The following BLVRA variants were observed in gnomAD, a reference collection of about 807,000 sequenced individuals.
BLVRA encodes biliverdin reductase A, also known as BVR A.
Under a neutral mutation model 32.8 loss-of-function variants are expected in BLVRA, and 22 were observed. That is an observed-to-expected ratio of 0.67 (90% confidence interval 0.48 to 0.96). BLVRA has a LOEUF of 0.96. Ranked by LOEUF, BLVRA falls within the 40% of genes least tolerant of loss-of-function variation. The pLI is 0.00. For synonymous variants in BLVRA, 119 were observed against 141.3 expected, an observed-to-expected ratio of 0.84 and a Z score of 1.12; for missense variants, 323 against 358.1, an observed-to-expected ratio of 0.90 and a Z score of 0.79.
intron 2 of BLVRA, among the ~76,000 whole-genome samples, chr7:43,780,752 C>T (rs1164939842): frequency 1.3e-5 from 2 of 152,244 alleles, no homozygotes; most frequent in Non-Finnish European, 2.9e-5. Context: ...TCCCCATTCT[C>T]ACCCTGCCAA....
intron 1 of BLVRA, among the ~76,000 whole-genome samples, chr7:43,762,629 T>TTA (rs2095743642): frequency 6.8e-6 from 1 of 146,968 alleles, no homozygotes; most frequent in African/African-American, 2.5e-5. Flanking sequence ...TTTTTTTTTT[T>TTA]AAGATGGAGT....
At chr7:43,764,979 C>T (rs540428531) in intron 1 of BLVRA, among the ~76,000 whole-genome samples, 2 of 152,242 alleles carry the variant, frequency 1.3e-5, no homozygotes, top group South Asian at 4.2e-4. Context: ...CAGGCTGGCT[C>T]TTCATCCCTC....
chr7:43,783,516 A>G (rs1241028615), intron 2 of BLVRA, among the ~76,000 whole-genome samples: 1 of 152,186 alleles, frequency 6.6e-6, no homozygotes, highest in Non-Finnish European at 1.5e-5. Context: ...GTAATACTCT[A>G]TATCACGAGT....
intron 2 of BLVRA, among the ~76,000 whole-genome samples, chr7:43,779,368 C>G (rs1210474184): frequency 2.0e-5 from 3 of 152,350 alleles, no homozygotes; most frequent in South Asian, 4.1e-4. Context: ...TTTCTCTTCC[C>G]TGGGTCATTC....
chr7:43,766,310 T>C (rs1333902637), intron 1 of BLVRA, among the ~76,000 whole-genome samples: 1 of 145,644 alleles, frequency 6.9e-6, no homozygotes, highest in Admixed American at 7.0e-5. Context: ...AAAAAAAAAG[T>C]TAAAAATCTA....
chr7:43,795,839 C>T (rs1432541333), intron 5 of BLVRA, among the ~76,000 whole-genome samples: 2 of 151,696 alleles, frequency 1.3e-5, no homozygotes, highest in Non-Finnish European at 2.9e-5. Context: ...GGTGCAGTGG[C>T]TCACGCCTGT....
chr7:43,793,116 T>TAA (rs1435223346), intron 5 of BLVRA, among the ~76,000 whole-genome samples: 1 of 152,254 alleles, frequency 6.6e-6, no homozygotes, highest in Non-Finnish European at 1.5e-5. Flanking sequence ...ATGTGATACT[T>TAA]ATATTGCTAA....
intron 1 of BLVRA, among the ~76,000 whole-genome samples, chr7:43,761,591 C>A (rs1225824631): frequency 6.6e-6 from 1 of 152,102 alleles, no homozygotes; most frequent in Non-Finnish European, 1.5e-5. Flanking sequence ...ATTGATCCCC[C>A]AAATGTTAAT....
chr7:43,784,598 C>CTT (rs5883874), intron 2 of BLVRA, among the ~76,000 whole-genome samples: 147 of 85,252 alleles, frequency 1.7e-3, no homozygotes, highest in East Asian at 3.3e-3. Flanking sequence ...TCACTCATAT[C>CTT]TTTTTTTTTT....
At chr7:43,771,087 A>T (rs775988186) in intron 1 of BLVRA, 51 bp from the exon 2 acceptor site, 1 of 1,532,190 alleles carries the variant, frequency 6.5e-7, no homozygotes, top group Non-Finnish European at 9.0e-7. Context: ...GTTTGCCTGG[A>T]GTTTGGGCAG....
At chr7:43,762,583 G>T (rs2095743515) in intron 1 of BLVRA, among the ~76,000 whole-genome samples, 1 of 143,082 alleles carries the variant, frequency 7.0e-6, no homozygotes, top group East Asian at 2.1e-4. Context: ...ATAATTTAGT[G>T]ATTTCCATGA....
At chr7:43,803,527 C>T (rs113975947) in intron 6 of BLVRA, 149 bp from the exon 7 acceptor site, 5 of 831,894 alleles carry the variant, frequency 6.0e-6, no homozygotes, top group African/African-American at 5.0e-5. Flanking sequence ...TCATTAATCA[C>T]GTTGCCTGCC....
intron 6 of BLVRA, among the ~76,000 whole-genome samples, chr7:43,803,127 C>T (rs1488381886): frequency 6.6e-6 from 1 of 152,144 alleles, no homozygotes; most frequent in Non-Finnish European, 1.5e-5. Flanking sequence ...ATTGAAATAG[C>T]TCAAAGGTAT....
At chr7:43,792,674 T>C in intron 4 of BLVRA, 41 bp from the exon 5 acceptor site, 1 of 1,546,908 alleles carries the variant, frequency 6.5e-7, no homozygotes, top group Non-Finnish European at 8.9e-7. Context: ...GTGAAGCTTA[T>C]TCGAAGTGTT....
chr7:43,803,591 A>G, intron 6 of BLVRA, 85 bp from the exon 7 acceptor site: 2 of 1,248,522 alleles, frequency 1.6e-6, no homozygotes, highest in Non-Finnish European at 2.3e-6. Context: ...ATCTTTTCAC[A>G]CCCCCGCCAC....
intron 1 of BLVRA, among the ~76,000 whole-genome samples, chr7:43,758,989 A>G (rs1203256183): frequency 6.6e-6 from 1 of 152,186 alleles, no homozygotes; most frequent in Non-Finnish European, 1.5e-5. Flanking sequence ...AAGACAGTCT[A>G]AAAAATTAAG....
intron 5 of BLVRA, among the ~76,000 whole-genome samples, chr7:43,795,384 C>T (rs186014407): frequency 2.3e-4 from 35 of 151,958 alleles, no homozygotes; most frequent in African/African-American, 6.0e-4. Flanking sequence ...GGTGTGGTGG[C>T]GCGCACATAT....
At chr7:43,803,538 T>C (rs1224975873) in intron 6 of BLVRA, 138 bp from the exon 7 acceptor site, 6 of 941,728 alleles carry the variant, frequency 6.4e-6, no homozygotes, top group East Asian at 2.4e-5. Flanking sequence ...GTTGCCTGCC[T>C]ACCACATAAG....
upstream of BLVRA, among the ~76,000 whole-genome samples, chr7:43,758,150 A>G (rs1431435753): frequency 6.6e-6 from 1 of 152,168 alleles, no homozygotes; most frequent in East Asian, 1.9e-4. Flanking sequence ...ACCCAAGAGC[A>G]GGACATCGCA....
Sources: allele counts gnomAD v4.1 joint callset (sites outside exome capture counted in the v4.1 genomes callset), GRCh38; gene constraint gnomAD v4.1.1; transcripts MANE v1.5; gene names NCBI Gene and HGNC (gene_info 2026-07-23, HGNC 2026-07-21).